The following NAV2 variants were observed in gnomAD, a reference collection of about 807,000 sequenced individuals.
NAV2 encodes helicase, APC down-regulated 1.
NAV2 carries 54 observed loss-of-function variants against 223.2 expected under a neutral mutation model. The observed-to-expected ratio is 0.24, with a 90% confidence interval of 0.19 to 0.30. The LOEUF is 0.30. NAV2 is among the 10% of genes least tolerant of loss of function. The pLI is 1.00. For synonymous variants in NAV2, 1,279 were observed against 1,239.3 expected (o/e 1.03, Z -0.67); for missense variants, 2,806 against 3,147.5 (o/e 0.89, Z 2.60).
At chr11:19,437,924 T>C (rs1184175273) in intron 1 of NAV2, among the ~76,000 whole-genome samples, 2 of 152,226 alleles carry the variant, frequency 1.3e-5, no homozygotes, top group African/African-American at 4.8e-5. Flanking sequence ...TTCTGAGTCA[T>C]TGATATGTGT....
At chr11:19,902,486 G>A (rs2042528187) in intron 6 of NAV2, among the ~76,000 whole-genome samples, 1 of 151,960 alleles carries the variant, frequency 6.6e-6, no homozygotes, top group Non-Finnish European at 1.5e-5. Context: ...CTGGCTTTTT[G>A]TAACAAGGAG....
chr11:19,489,011 C>T (rs561715961), intron 1 of NAV2, among the ~76,000 whole-genome samples: 53 of 152,338 alleles, frequency 3.5e-4, no homozygotes, highest in Non-Finnish European at 6.6e-4. Context: ...TGGGAATCTG[C>T]TCTCAGGAGT....
At chr11:19,905,989 A>G (rs576471457) in intron 6 of NAV2, among the ~76,000 whole-genome samples, 1 of 152,164 alleles carries the variant, frequency 6.6e-6, no homozygotes, top group Non-Finnish European at 1.5e-5. Flanking sequence ...CTCAAAATGA[A>G]TGTTTTCAAA....
rs866401381 is a variant in NAV2, at chr11:19,622,665, C to T, written c.76-209819C>T. On this transcript the variant is annotated intron_variant, in intron 1 of 37. Transcript: ENST00000360655. Reference sequence around the variant, plus strand: ...TTTTGAGCCTATGTGTGTCTCTGCACGTGAGATGGGTTTCCTGAATACAGC... The same window carrying T: ...TTTTGAGCCTATGTGTGTCTCTGCATGTGAGATGGGTTTCCTGAATACAGC... Among the ~76,000 whole-genome samples, 360 of 152,166 alleles carry T rather than the reference C, an allele frequency of 2.4e-3. 3 individuals carry two copies. The highest frequency in any genetic ancestry group is 8.2e-3 in the African/African-American group (342 of 41,512).
intron 1 of NAV2, among the ~76,000 whole-genome samples, chr11:19,413,160 A>C (rs551040367): frequency 5.9e-5 from 9 of 152,268 alleles, no homozygotes; most frequent in African/African-American, 1.9e-4. Context: ...AACCCAATGC[A>C]AGGAAGCTAA....
chr11:19,830,021 T>TA (rs1445724845), intron 1 of NAV2, among the ~76,000 whole-genome samples: 1 of 152,096 alleles, frequency 6.6e-6, no homozygotes, highest in African/African-American at 2.4e-5. Context: ...GGCCAGGAAT[T>TA]AGAGACCAGC....
intron 1 of NAV2, among the ~76,000 whole-genome samples, chr11:19,560,005 G>A (rs551693314): frequency 5.9e-5 from 9 of 152,288 alleles, no homozygotes; most frequent in East Asian, 3.9e-4. Flanking sequence ...TGCCTGCTTC[G>A]CTCTAGCTGC....
intron 1 of NAV2, among the ~76,000 whole-genome samples, chr11:19,530,382 C>A (rs1327506316): frequency 6.6e-6 from 1 of 151,780 alleles, no homozygotes; most frequent in Admixed American, 6.6e-5. Flanking sequence ...TGCAAGGTAG[C>A]ATTTGCTTAG....
At position 19,949,057 on chromosome 11, in the gene NAV2, C is replaced by G; in HGVS notation, c.2622C>G (p.Ile874Met). The change falls in exon 10 of 38, where the codon ATC (isoleucine) becomes ATG (methionine). Residue 874 changes from isoleucine to methionine, a missense_variant. Transcript: ENST00000349880. ...MSDGDVLSKN[I>M]RTDDITSGYM... ...ACGGGGATGTTCTGAGCAAGAACAT[C>G]CGGACCGATGACATTACAAGCGGGT... The G allele has an allele frequency of 6.2e-7, 1 of 1,610,326 alleles. No homozygotes were observed. The highest frequency in any genetic ancestry group is 8.5e-7 in the Non-Finnish European group (1 of 1,177,564).
intron 1 of NAV2, among the ~76,000 whole-genome samples, chr11:19,667,099 G>C (rs962713688): frequency 3.9e-5 from 6 of 152,138 alleles, no homozygotes; most frequent in South Asian, 4.1e-4. Context: ...GTCTCCCCCA[G>C]GAAGCTGCTA....
chr11:20,061,377 C>T (rs2058691739), intron 19 of NAV2, among the ~76,000 whole-genome samples: 2 of 152,116 alleles, frequency 1.3e-5, no homozygotes, highest in African/African-American at 4.8e-5. Flanking sequence ...CGAGAGCAGC[C>T]TGACTAACGT....
At chr11:20,056,137 G>A (rs1392155200) in intron 19 of NAV2, among the ~76,000 whole-genome samples, 180 bp downstream of exon 19, 1 of 152,162 alleles carries the variant, frequency 6.6e-6, no homozygotes, top group Non-Finnish European at 1.5e-5. Context: ...GTAAGGTCTG[G>A]CCTGACCCTT....
intron 31 of NAV2, among the ~76,000 whole-genome samples, chr11:20,100,461 C>T (rs1252209529): frequency 1.3e-5 from 2 of 151,730 alleles, no homozygotes; most frequent in Non-Finnish European, 2.9e-5. Flanking sequence ...TGGGAGGGAG[C>T]AGGGTGAAGA....
At chr11:19,969,270 G>A (rs1317263952) in intron 10 of NAV2, among the ~76,000 whole-genome samples, 6 of 152,208 alleles carry the variant, frequency 3.9e-5, no homozygotes, top group African/African-American at 9.6e-5. Context: ...GCCTTAGGGT[G>A]TGGCAGTAAC....
At chr11:19,361,672 G>A (rs1758225165) in intron 1 of NAV2, among the ~76,000 whole-genome samples, 1 of 152,146 alleles carries the variant, frequency 6.6e-6, no homozygotes, top group Non-Finnish European at 1.5e-5. Context: ...GGATGTGTGA[G>A]CTCTCTTTTC....
rs7940346 is a variant in NAV2, at chr11:19,984,311, G to A, written c.2768+64G>A. ...TGATCCCAGGGGGGCCCTGAGAAATGAGGGTTATGATATTGGGAGAGTGAA... is the reference window on the plus strand; with the variant it reads ...TGATCCCAGGGGGGCCCTGAGAAATAAGGGTTATGATATTGGGAGAGTGAA... On this transcript the variant is annotated intron_variant, in intron 11 of 37. Transcript: ENST00000349880. 5.7e-3 allele frequency: 9,167 copies of A among 1,609,706 alleles called. 348 individuals carry two copies. In the African/African-American group the frequency reaches 0.096, roughly 17 times the overall value.
chr11:19,615,571 A>T, intron 1 of NAV2, among the ~76,000 whole-genome samples: 1 of 152,172 alleles, frequency 6.6e-6, no homozygotes, highest in East Asian at 1.9e-4. Flanking sequence ...AATGCAAAAC[A>T]GTGGCTAGGC....
intron 1 of NAV2, among the ~76,000 whole-genome samples, chr11:19,392,714 C>G (rs954615047): frequency 6.6e-6 from 1 of 152,130 alleles, no homozygotes; most frequent in African/African-American, 2.4e-5. Context: ...ATATTAGACT[C>G]TTGATGGGAA....
chr11:19,760,371 T>C (rs2054632043), intron 1 of NAV2, among the ~76,000 whole-genome samples: 1 of 152,228 alleles, frequency 6.6e-6, no homozygotes, highest in South Asian at 2.1e-4. Flanking sequence ...CAGCATCATA[T>C]TATGGTTTAG....
Sources: allele counts gnomAD v4.1 joint callset (sites outside exome capture counted in the v4.1 genomes callset), GRCh38; gene constraint gnomAD v4.1.1; transcripts MANE v1.5; gene names NCBI Gene and HGNC (gene_info 2026-07-23, HGNC 2026-07-21).